ATRNL1: variants seen among roughly 807,000 people sequenced by gnomAD.
ATRNL1 encodes attractin-like protein 1.
ATRNL1 carries 95 observed loss-of-function variants against 182.7 expected under a neutral mutation model. The observed-to-expected ratio is 0.52, with a 90% CI of 0.44 to 0.62. The LOEUF is 0.62. Among genes scored for constraint, ATRNL1 ranks in the 20% least tolerant of loss-of-function variants. ATRNL1 has a pLI of 0.00. For missense variants in ATRNL1, 1,471 were observed against 1,679.5 expected (o/e 0.88, Z 2.17); for synonymous variants, 576 against 568.3 (o/e 1.01, Z -0.19).
chr10:115,336,340 G>C (rs1237510384), intron 19 of ATRNL1, among the ~76,000 whole-genome samples: 2 of 152,154 alleles, frequency 1.3e-5, no homozygotes, highest in African/African-American at 4.8e-5. Context: ...GGGCCAAGTG[G>C]AATCCACAAA....
intron 26 of ATRNL1, among the ~76,000 whole-genome samples, chr10:115,612,853 A>G (rs1200168403): frequency 1.3e-5 from 2 of 151,682 alleles, no homozygotes; most frequent in Non-Finnish European, 2.9e-5. Flanking sequence ...CAAGTTTGAC[A>G]CAAATGACTC....
chr10:115,143,750 G>A (rs1367017346), intron 5 of ATRNL1, among the ~76,000 whole-genome samples: 3 of 152,032 alleles, frequency 2.0e-5, no homozygotes, highest in East Asian at 1.9e-4. Context: ...GAGAGAGAAC[G>A]CACGTGAGAG....
At chr10:115,135,211 G>A (rs574362834) in intron 5 of ATRNL1, among the ~76,000 whole-genome samples, 1 of 152,058 alleles carries the variant, frequency 6.6e-6, no homozygotes, top group East Asian at 1.9e-4. Flanking sequence ...GAAAGAAATA[G>A]AAGGTATTCA....
chr10:115,360,962 C>T (rs148229366), intron 19 of ATRNL1, among the ~76,000 whole-genome samples: 404 of 151,938 alleles, frequency 2.7e-3, no homozygotes, highest in Middle Eastern at 0.01. Flanking sequence ...TTCTTACCAA[C>T]GTATCAGGAG....
intron 13 of ATRNL1, among the ~76,000 whole-genome samples, chr10:115,271,151 GAAAAC>G (rs1232007678): frequency 7.4e-6 from 1 of 135,300 alleles, no homozygotes. Context: ...AGAGAAGAAA[GAAAAC>G]AAAGATATTA....
intron 27 of ATRNL1, among the ~76,000 whole-genome samples, chr10:115,768,985 A>C (rs1380071585): frequency 6.6e-6 from 1 of 152,088 alleles, no homozygotes; most frequent in Admixed American, 6.5e-5. Flanking sequence ...TATTAAAGGA[A>C]AACATATAGA....
In ATRNL1 at chr10:115,241,529, C is replaced by T. The variant is rs375953321; in HGVS notation, c.1533-42C>T. On this transcript the variant is annotated intron_variant, in intron 9 of 28. Coordinates refer to ENST00000355044, the MANE Select transcript of ATRNL1 (RefSeq NM_207303.4). ...ATAACATATATAAAATCAGGGAGGT[C>T]ATTTTATCCTTTGTAATACATTTTT... 52 of 1,400,908 alleles carry T rather than the reference C, an allele frequency of 3.7e-5. No individual in the cohort carries two copies. The African/African-American group carries it at 6.8e-4, about 18-fold the overall frequency. The allele number at this position is 1,400,908 out of a possible 1,614,324, so 86.8% of individuals were successfully genotyped here.
intron 20 of ATRNL1, among the ~76,000 whole-genome samples, chr10:115,397,298 A>AT (rs1554955866): frequency 7.2e-5 from 11 of 151,962 alleles, no homozygotes; most frequent in Non-Finnish European, 1.6e-4. Flanking sequence ...AATTTCTTAC[A>AT]TTAGTGATTT....
intron 9 of ATRNL1, among the ~76,000 whole-genome samples, chr10:115,240,514 A>G (rs905157701): frequency 2.6e-5 from 4 of 151,984 alleles, no homozygotes; most frequent in African/African-American, 9.7e-5. Flanking sequence ...TTGGCCTCTC[A>G]AAGTGCTGGA....
At chr10:115,546,194 T>C (rs1489725346) in intron 25 of ATRNL1, among the ~76,000 whole-genome samples, 4 of 152,110 alleles carry the variant, frequency 2.6e-5, no homozygotes, top group Admixed American at 2.6e-4. Flanking sequence ...TTCTTAAGGG[T>C]ATGATGGTCT....
rs941349482 is a variant in ATRNL1, at chr10:115,384,657, C to A, written c.3176-10002C>A. ...CATTTTTTCTTCATTTTTTTTTCTT[C>A]AACCATTAAACATTTTAAAAATCTA... On this transcript the variant is annotated intron_variant, in intron 19 of 28. Transcript: ENST00000355044. Among the ~76,000 whole-genome samples, 4 of 150,866 alleles carry A rather than the reference C, an allele frequency of 2.7e-5. No homozygotes were observed. The South Asian group carries it at 6.3e-4, about 24-fold the overall frequency.
chr10:115,754,079 G>A (rs1421934574), intron 27 of ATRNL1, among the ~76,000 whole-genome samples: 2 of 152,132 alleles, frequency 1.3e-5, no homozygotes, highest in Non-Finnish European at 2.9e-5. Flanking sequence ...TTAGCCCTTT[G>A]TCAGATGGAT....
At chr10:115,737,371 GGCT>G (rs1947986611) in intron 27 of ATRNL1, among the ~76,000 whole-genome samples, 1 of 151,354 alleles carries the variant, frequency 6.6e-6, no homozygotes, top group South Asian at 2.1e-4. Flanking sequence ...GGGAGTTCGA[GGCT>G]GCAGTGAGCC....
intron 8 of ATRNL1, among the ~76,000 whole-genome samples, chr10:115,201,706 T>C (rs11197114): frequency 0.024 from 3,701 of 151,944 alleles, 153 homozygotes; most frequent in African/African-American, 0.084. Flanking sequence ...ATTGACTTGG[T>C]GATGCGGGCT....
intron 8 of ATRNL1, among the ~76,000 whole-genome samples, chr10:115,199,735 G>T (rs1554891877): frequency 6.6e-6 from 1 of 152,100 alleles, no homozygotes; most frequent in Non-Finnish European, 1.5e-5. Context: ...AGAGATTCTG[G>T]AAATTTAGCT....
At chr10:115,717,106 A>G (rs1555056511) in intron 26 of ATRNL1, among the ~76,000 whole-genome samples, 1 of 152,138 alleles carries the variant, frequency 6.6e-6, no homozygotes, top group Non-Finnish European at 1.5e-5. Context: ...GGCCTTTTGT[A>G]TTAAAAAAGG....
At chr10:115,780,770 G>C (rs781945099) in intron 27 of ATRNL1, among the ~76,000 whole-genome samples, 2 of 152,140 alleles carry the variant, frequency 1.3e-5, no homozygotes, top group Non-Finnish European at 2.9e-5. Flanking sequence ...ATCACCTGCT[G>C]ACTAAAGCGT....
chr10:115,270,465 A>AT (rs1851812910), intron 13 of ATRNL1, among the ~76,000 whole-genome samples: 4 of 147,590 alleles, frequency 2.7e-5, no homozygotes, highest in African/African-American at 9.9e-5. Context: ...ATATATATAT[A>AT]AAATGAGATT....
intron 22 of ATRNL1, 41 bp downstream of exon 22, chr10:115,462,076 C>T (rs1554969803): frequency 7.0e-7 from 1 of 1,437,468 alleles, no homozygotes; most frequent in Middle Eastern, 1.8e-4. Flanking sequence ...AATTATTGGA[C>T]ACAATTTTTT....
Sources: allele counts gnomAD v4.1 joint callset (sites outside exome capture counted in the v4.1 genomes callset), GRCh38; gene constraint gnomAD v4.1.1; transcripts MANE v1.5; gene names NCBI Gene and HGNC (gene_info 2026-07-23, HGNC 2026-07-21).